Variants in DMKN observed in about 807,000 individuals in gnomAD.
The protein encoded by DMKN is epidermis-specific secreted protein SK30/SK89.
In DMKN, 58 loss-of-function variants were observed where a neutral mutation model predicts 67.6. The ratio of observed to expected loss-of-function variants is 0.86; its 90% CI spans 0.69 to 1.07. DMKN has a LOEUF of 1.07. Ranked by LOEUF, DMKN falls within the 50% of genes least tolerant of loss-of-function variation. The pLI is 0.00. For missense variants in DMKN, 596 were observed against 601.5 expected, an observed-to-expected ratio of 0.99 and a Z score of 0.10; for synonymous variants, 240 against 232.3, an observed-to-expected ratio of 1.03 and a Z score of -0.30.
At chr19:35,510,562 G>A in intron 5 of DMKN, 1 of 1,526,098 alleles carries the variant, frequency 6.6e-7, no homozygotes, top group Non-Finnish European at 8.8e-7. Flanking sequence ...TGCCACCAGG[G>A]GGCAGCAAGT....
At chr19:35,507,671 C>A in intron 7 of DMKN, 1 of 625,540 alleles carries the variant, frequency 1.6e-6, no homozygotes. Context: ...AGGTCCTTCT[C>A]TCGGGGAAGT....
intron 7 of DMKN, chr19:35,507,353 A>G: frequency 8.6e-7 from 1 of 1,158,654 alleles, no homozygotes; most frequent in Non-Finnish European, 1.2e-6. Context: ...GCAGATTCAG[A>G]GCAGCTTGCA....
rs11666351 is a variant in DMKN at position 35,507,978 on chromosome 19, T to C, written c.1038+1933A>G. On this transcript the variant is annotated intron_variant, in intron 7 of 15. Transcript: ENST00000339686. ...CAGTGGGGGCTGAGGCGGCATAGAG[T>C]AGACTGGCTGGTCCCCTCTTAAGGG... is the stretch of plus-strand genomic sequence containing the variant. The C allele has an allele frequency of 6.8e-3, 3,708 of 547,604 alleles. 14 individuals are homozygous for C. Among genetic ancestry groups the C allele is most frequent in the Non-Finnish European group, 8.3e-3 (2,603 of 312,556 alleles). 33.9% of individuals were successfully genotyped at this position (547,604 alleles called of 1,614,324 possible).
intron 7 of DMKN, chr19:35,509,624 A>C: frequency 2.6e-6 from 1 of 377,534 alleles, no homozygotes; most frequent in Non-Finnish European, 4.8e-6. Flanking sequence ...CCGGCTGGAT[A>C]GAGGACATTT....
intron 13 of DMKN, chr19:35,499,294 C>T (rs981654025): frequency 8.4e-5 from 22 of 261,446 alleles, no homozygotes; most frequent in Non-Finnish European, 1.1e-4. Context: ...TGTAGTTTCT[C>T]GTCCCTCAGT....
At chr19:35,511,862 G>T (rs758820765) in intron 3 of DMKN, 49 bp from the exon 4 acceptor site, 1 of 1,576,338 alleles carries the variant, frequency 6.3e-7, no homozygotes, top group Non-Finnish European at 8.6e-7. Flanking sequence ...GTTTGGAGAC[G>T]TTGGCCTCGG....
At chr19:35,505,095 G>A (rs2069192920) in intron 9 of DMKN, among the ~76,000 whole-genome samples, 1 of 151,370 alleles carries the variant, frequency 6.6e-6, no homozygotes, top group African/African-American at 2.4e-5. Context: ...TGCCGGGGGT[G>A]TGTCTGCATG....
chr19:35,513,009 C>A, intron 1 of DMKN, 41 bp downstream of exon 1: 3 of 1,606,478 alleles, frequency 1.9e-6, no homozygotes, highest in Non-Finnish European at 2.5e-6. Flanking sequence ...CCCAGCAGCC[C>A]ACAGCCTCCC....
At chr19:35,507,719 G>T in intron 7 of DMKN, 1 of 556,166 alleles carries the variant, frequency 1.8e-6, no homozygotes, top group Non-Finnish European at 3.2e-6. Context: ...GCTCCTGTGG[G>T]TCGGGTGGCT....
At chr19:35,501,703 G>A (rs533927602) in intron 11 of DMKN, 5 of 1,071,870 alleles carry the variant, frequency 4.7e-6, no homozygotes, top group Non-Finnish European at 6.5e-6. Flanking sequence ...ACTAGACAGG[G>A]ACCTGACCCC....
intron 7 of DMKN, chr19:35,506,458 A>G: frequency 1.6e-6 from 1 of 634,656 alleles, no homozygotes; most frequent in Non-Finnish European, 2.9e-6. Flanking sequence ...AAAACACCTC[A>G]AGCAAATGAG....
intron 7 of DMKN, chr19:35,507,410 T>G: frequency 2.0e-6 from 3 of 1,514,326 alleles, no homozygotes; most frequent in Non-Finnish European, 2.7e-6. Context: ...CTTAGCATGC[T>G]TCACCATCCC....
chr19:35,513,142 C>T lies in DMKN; in HGVS notation c.334G>A (p.Glu112Lys), dbSNP rs772116922. The T allele has an allele frequency of 1.3e-5, 21 of 1,614,082 alleles. No homozygotes were observed. The highest frequency in any genetic ancestry group is 5.0e-5 in the Admixed American group (3 of 60,002). The part of the protein sequence containing the change: ...AAHALGNTGH[E>K]IGRQAEDVIR... ...ACATCTTCTGCCTGTCTGCCAATCT[C>T]GTGCCCAGTGTTTCCCAGAGCATGG... The change falls in exon 1 of 16, where the codon GAG (glutamate) becomes AAG (lysine). Residue 112 changes from glutamate to lysine, a missense_variant. Coordinates refer to ENST00000339686, the MANE Select transcript of DMKN (RefSeq NM_033317.5).
At chr19:35,498,932 A>G (rs368794417) in intron 13 of DMKN, 35 bp from the exon 14 acceptor site, 1 of 1,614,014 alleles carries the variant, frequency 6.2e-7, no homozygotes, top group African/African-American at 1.3e-5. Context: ...ATGTGGGGTC[A>G]TGGCCTCCCT....
intron 10 of DMKN, 85 bp downstream of exon 10, chr19:35,502,745 G>A (rs1434566325): frequency 7.1e-7 from 1 of 1,413,942 alleles, no homozygotes; most frequent in Non-Finnish European, 1.0e-6. Flanking sequence ...GGTGGTTGGA[G>A]CAGAGGGTGG....
chr19:35,509,780 C>A (rs1235350140), intron 7 of DMKN, 131 bp downstream of exon 7: 2 of 1,100,674 alleles, frequency 1.8e-6, no homozygotes, highest in Non-Finnish European at 2.6e-6. Context: ...CATTTGGTTT[C>A]TTCTGCCGAA....
chr19:35,501,633 G>A (rs2068379669), intron 11 of DMKN, among the ~76,000 whole-genome samples: 1 of 152,124 alleles, frequency 6.6e-6, no homozygotes, highest in South Asian at 2.1e-4. Context: ...CTTTGGCACC[G>A]CCCAGAGGTT....
At chr19:35,501,410 T>A (rs754057688) in intron 11 of DMKN, among the ~76,000 whole-genome samples, 15 of 152,240 alleles carry the variant, frequency 9.9e-5, no homozygotes, top group Non-Finnish European at 1.6e-4. Context: ...GCATCCTGGT[T>A]CTTCGTGAAA....
At chr19:35,500,243 G>A (rs981088419) in intron 12 of DMKN, 8 of 1,330,624 alleles carry the variant, frequency 6.0e-6, no homozygotes, top group African/African-American at 2.9e-5. Flanking sequence ...AATGGCCGCC[G>A]CCTCCTCCTC....
Sources: allele counts gnomAD v4.1 joint callset (sites outside exome capture counted in the v4.1 genomes callset), GRCh38; gene constraint gnomAD v4.1.1; transcripts MANE v1.5; gene names NCBI Gene and HGNC (gene_info 2026-07-23, HGNC 2026-07-21).